The following NSL1 variants were observed in gnomAD, a reference collection of about 807,000 sequenced individuals.
NSL1 encodes the protein kinetochore-associated protein NSL1 homolog.
Under a neutral mutation model 25.4 loss-of-function variants are expected in NSL1, and 11 were observed. The observed-to-expected ratio is 0.43, with a 90% confidence interval of 0.27 to 0.72. NSL1 has a LOEUF of 0.72. Ranked by LOEUF, NSL1 falls within the 30% of genes least tolerant of loss-of-function variation. NSL1 has a pLI of 0.19. For missense variants in NSL1, 330 were observed against 342.7 expected (o/e 0.96, Z 0.29); for synonymous variants, 118 against 120.6 (o/e 0.98, Z 0.14).
In NSL1 at chr1:212,782,379, A is replaced by G. The variant is rs1411467753; in HGVS notation, c.492T>C (p.Pro164=). The G allele has an allele frequency of 6.2e-7, 1 of 1,609,070 alleles. No individual in the cohort carries two copies. The highest frequency in any genetic ancestry group is 8.5e-7 in the Non-Finnish European group (1 of 1,175,408). Residue 164 remains proline, a synonymous_variant, in exon 4 of 6, where the codon CCT becomes CCC. Transcript: ENST00000366977. ...AAATGGATACTGACTCACCTGGATC[A>G]GGGTCATATTTTAGGTCCAGTGGAT... ...VVHPLDLKYD[P]DPAPHMENLK... is the part of the protein sequence containing the mutation.
At chr1:212,780,261 A>AG (rs1204131550) in intron 4 of NSL1, among the ~76,000 whole-genome samples, 2 of 152,090 alleles carry the variant, frequency 1.3e-5, no homozygotes, top group African/African-American at 4.8e-5. Flanking sequence ...AAATGGATTA[A>AG]GGGTGGTGCA....
intron 4 of NSL1, among the ~76,000 whole-genome samples, chr1:212,771,626 A>AAAC (rs1256659549): frequency 6.6e-6 from 1 of 151,562 alleles, no homozygotes; most frequent in Admixed American, 6.6e-5. Flanking sequence ...AAAAAAAAAA[A>AAAC]AAAAAACCTT....
chr1:212,733,773 T>G lies in NSL1; in HGVS notation c.*4635A>C, dbSNP rs1473309843. On this transcript the variant is annotated 3_prime_UTR_variant, in exon 6 of 6. Transcript: ENST00000366977. The stretch of plus-strand genomic sequence containing the variant: ...CAACCTGCTGCTACAAACATTTGTG[T>G]GTAAGTTATTGTGTGAGCATGTTTT... Among the ~76,000 whole-genome samples, 11 of 152,356 alleles carry G rather than the reference T, an allele frequency of 7.2e-5. No individual in the cohort carries two copies. Among genetic ancestry groups the G allele is most frequent in the Non-Finnish European group, 1.2e-4 (8 of 68,042 alleles).
chr1:212,758,656 C>T (rs1659420005), intron 4 of NSL1, among the ~76,000 whole-genome samples: 1 of 152,110 alleles, frequency 6.6e-6, no homozygotes, highest in Admixed American at 6.5e-5. Context: ...GATGGAAAGC[C>T]ATCCATTATT....
Position 212,732,262 on chromosome 1 carries a change from T to C in NSL1, c.*6146A>G, listed in dbSNP as rs1000775228. 4.1e-6 allele frequency: 4 copies of C among 980,070 alleles called. No individual in the cohort carries two copies. The highest frequency in any genetic ancestry group is 1.2e-4 in the Admixed American group (2 of 16,246). 60.7% of individuals were successfully genotyped at this position (980,070 alleles called of 1,614,324 possible). ...TCTGCATAGTTAACATTATCACTCG[T>C]GTTGTCACTTTTATTTTTTTCTGAA... On this transcript the variant is annotated 3_prime_UTR_variant, in exon 6 of 6. Transcript: ENST00000366977.
At chr1:212,786,421 A>G (rs1660948540) in intron 2 of NSL1, among the ~76,000 whole-genome samples, 1 of 152,162 alleles carries the variant, frequency 6.6e-6, no homozygotes, top group South Asian at 2.1e-4. Context: ...TTAGTTAAAA[A>G]AAAAAAAAAG....
chr1:212,778,365 G>C (rs1448310149), intron 4 of NSL1, among the ~76,000 whole-genome samples: 2 of 152,140 alleles, frequency 1.3e-5, no homozygotes, highest in Non-Finnish European at 1.5e-5. Flanking sequence ...TTGAAAAACA[G>C]ACAACCCTCT....
At chr1:212,771,469 C>T (rs1251331224) in intron 4 of NSL1, among the ~76,000 whole-genome samples, 1 of 152,108 alleles carries the variant, frequency 6.6e-6, no homozygotes, top group Non-Finnish European at 1.5e-5. Flanking sequence ...TTCACCACTC[C>T]TATTCAACAT....
chr1:212,728,924 G>A lies in NSL1; in HGVS notation c.*9484C>T. ...CTCTGGCAAAGAGCAGTGTTTATTT[G>A]TGTGTTTGAACGTTTGTTCCCTTTG... On this transcript the variant is annotated 3_prime_UTR_variant, in exon 6 of 6. Coordinates refer to ENST00000366977, the MANE Select transcript of NSL1 (RefSeq NM_015471.4). 1 of 985,376 alleles carries A rather than the reference G, an allele frequency of 1.0e-6. No homozygotes were observed. Among genetic ancestry groups the A allele is most frequent in the Non-Finnish European group, 1.2e-6 (1 of 829,918 alleles). The allele number at this position is 985,376 out of a possible 1,614,324, so 61.0% of individuals were successfully genotyped here. A position where few individuals can be genotyped will look rare whatever the true frequency, so the allele number is the denominator to read the frequency against.
rs751137335 is a variant in NSL1, at chr1:212,752,451, G to T, written c.500-12850C>A. Among the ~76,000 whole-genome samples, 27 of 152,154 alleles carry T rather than the reference G, an allele frequency of 1.8e-4. 1 individual carries two copies. The highest frequency in any genetic ancestry group is 3.4e-4 in the Non-Finnish European group (23 of 68,020). On this transcript the variant is annotated intron_variant, in intron 4 of 5. Coordinates refer to ENST00000366977, the MANE Select transcript of NSL1 (RefSeq NM_015471.4). ...GCCTGTAGGGTCAGCAAAAGAACTG[G>T]AAGTATCATTAAGTTTACCATACAG...
chr1:212,727,029 G>C lies in NSL1; in HGVS notation c.*11379C>G. On this transcript the variant is annotated 3_prime_UTR_variant, in exon 6 of 6. Transcript: ENST00000366977. ...TCCAGTCCAGTCTACTCCGGCCTTG[G>C]AGATGACTGCCGAGAGAGGGAGGGC... 1 of 1,395,006 alleles carries C rather than the reference G, an allele frequency of 7.2e-7. No homozygotes were observed. Among genetic ancestry groups the C allele is most frequent in the Non-Finnish European group, 9.7e-7 (1 of 1,029,850 alleles). 86.4% of individuals were successfully genotyped at this position (1,395,006 alleles called of 1,614,324 possible). A position where few individuals can be genotyped will look rare whatever the true frequency, so the allele number is the denominator to read the frequency against.
intron 4 of NSL1, chr1:212,782,101 G>T: frequency 1.5e-6 from 1 of 670,174 alleles, no homozygotes; most frequent in Non-Finnish European, 2.8e-6. Context: ...GGTATTAGAA[G>T]TTAGAGATGG....
intron 4 of NSL1, among the ~76,000 whole-genome samples, chr1:212,779,177 T>C (rs891407973): frequency 6.7e-6 from 1 of 150,088 alleles, no homozygotes; most frequent in Non-Finnish European, 1.5e-5. Context: ...AACCACACCG[T>C]CTGGGAAGTG....
At chr1:212,763,976 C>A in intron 4 of NSL1, 1 of 418,650 alleles carries the variant, frequency 2.4e-6, no homozygotes, top group Admixed American at 2.7e-5. Flanking sequence ...GCAGAATATA[C>A]ATTCTCCTCA....
chr1:212,730,261 A>G lies in NSL1; in HGVS notation c.*8147T>C. 1.0e-6 allele frequency: 1 copy of G among 983,300 alleles called. No individual in the cohort carries two copies. Among genetic ancestry groups the G allele is most frequent in the South Asian group, 4.7e-5 (1 of 21,214 alleles). 60.9% of individuals were successfully genotyped at this position (983,300 alleles called of 1,614,324 possible). The stretch of plus-strand genomic sequence containing the variant: ...TCAAAAAAAAAAAAAAAAAAAAAAA[A>G]AAAAGAAATGCGCCAAGTCTCAGGT... On this transcript the variant is annotated 3_prime_UTR_variant, in exon 6 of 6. Transcript: ENST00000366977.
chr1:212,763,392 A>G (rs1055017771), intron 4 of NSL1, among the ~76,000 whole-genome samples: 19 of 152,224 alleles, frequency 1.2e-4, no homozygotes, highest in African/African-American at 4.3e-4. Flanking sequence ...AAAACAAAGT[A>G]TCTAAGTAAC....
Position 212,735,617 on chromosome 1 carries a change from T to C in NSL1, c.*2791A>G. ...GATGAAGCCTTAACTCCCATGTGCC[T>C]ATAGCTGTATTTGGAGATGGGGCCT... is the stretch of plus-strand genomic sequence containing the variant. On this transcript the variant is annotated 3_prime_UTR_variant, in exon 6 of 6. Coordinates refer to ENST00000366977, the MANE Select transcript of NSL1 (RefSeq NM_015471.4). The C allele has an allele frequency of 1.2e-6, 1 of 800,146 alleles. No homozygotes were observed. Among genetic ancestry groups the C allele is most frequent in the Non-Finnish European group, 1.5e-6 (1 of 661,006 alleles). The allele number at this position is 800,146 out of a possible 1,614,324, so 49.6% of individuals were successfully genotyped here.
chr1:212,733,318 C>G lies in NSL1; in HGVS notation c.*5090G>C, dbSNP rs1362614436. Among the ~76,000 whole-genome samples, 2 of 151,868 alleles carry G rather than the reference C, an allele frequency of 1.3e-5. No individual in the cohort carries two copies. The highest frequency in any genetic ancestry group is 4.8e-5 in the African/African-American group (2 of 41,348). Reference sequence around the variant, plus strand: ...ATGATGGTGCATGCCTATAGTCCCACCTACTTGGGAGGCTAAGGTGGGAGG... The same window carrying G: ...ATGATGGTGCATGCCTATAGTCCCAGCTACTTGGGAGGCTAAGGTGGGAGG... On this transcript the variant is annotated 3_prime_UTR_variant, in exon 6 of 6. Coordinates refer to ENST00000366977, the MANE Select transcript of NSL1 (RefSeq NM_015471.4).
chr1:212,746,629 C>CTA (rs1482486044), intron 4 of NSL1, among the ~76,000 whole-genome samples: 1 of 152,188 alleles, frequency 6.6e-6, no homozygotes, highest in Non-Finnish European at 1.5e-5. Context: ...TCTATTCTGT[C>CTA]TATAACTCAC....
Sources: allele counts gnomAD v4.1 joint callset (sites outside exome capture counted in the v4.1 genomes callset), GRCh38; gene constraint gnomAD v4.1.1; transcripts MANE v1.5; gene names NCBI Gene and HGNC (gene_info 2026-07-23, HGNC 2026-07-21).